The following CSMD1 variants were observed in gnomAD, a reference collection of about 807,000 sequenced individuals.
The protein encoded by CSMD1 is CUB and Sushi multiple domains 1.
A neutral mutation model predicts 417.5 loss-of-function variants in CSMD1; 213 were observed. The ratio of observed to expected loss-of-function variants is 0.51; its 90% CI spans 0.46 to 0.57. The LOEUF (loss-of-function observed/expected upper bound fraction) is 0.57. Ranked by LOEUF, CSMD1 falls within the 20% of genes least tolerant of loss-of-function variation. CSMD1 has a pLI of 0.00. For missense variants in CSMD1, 6,923 were observed against 4,529.7 expected (o/e 1.53, Z -15.17); for synonymous variants, 2,862 against 1,736.8 (o/e 1.65, Z -16.11).
chr8:4,655,846 TACTG>T (rs2130907423), intron 1 of CSMD1, among the ~76,000 whole-genome samples: 1 of 152,258 alleles, frequency 6.6e-6, no homozygotes, highest in South Asian at 2.1e-4. Context: ...CTAATTCACT[TACTG>T]AGAAAGAAAA....
chr8:3,869,699 A>T (rs1158867728), intron 5 of CSMD1, among the ~76,000 whole-genome samples: 2 of 152,112 alleles, frequency 1.3e-5, no homozygotes, highest in African/African-American at 2.4e-5. Flanking sequence ...CGCAGCCAGG[A>T]GCATGTGGGG....
chr8:4,583,072 G>T (rs189716755), intron 2 of CSMD1, among the ~76,000 whole-genome samples: 1 of 152,212 alleles, frequency 6.6e-6, no homozygotes, highest in Non-Finnish European at 1.5e-5. Flanking sequence ...CCGCGGGGCA[G>T]GGCTCAGGAC....
intron 26 of CSMD1, among the ~76,000 whole-genome samples, chr8:3,261,554 C>A (rs1172861516): frequency 1.3e-5 from 2 of 152,236 alleles, no homozygotes; most frequent in East Asian, 3.9e-4. Context: ...CGTGAATGTT[C>A]ATCACAGCTG....
chr8:3,613,771 C>T (rs1242827632), intron 8 of CSMD1, among the ~76,000 whole-genome samples: 1 of 151,076 alleles, frequency 6.6e-6, no homozygotes, highest in Admixed American at 6.6e-5. Flanking sequence ...GATACTTCCT[C>T]AAACTGATAA....
At chr8:4,742,774 A>G (rs1810707365) in intron 1 of CSMD1, among the ~76,000 whole-genome samples, 2 of 152,220 alleles carry the variant, frequency 1.3e-5, no homozygotes, top group Non-Finnish European at 2.9e-5. Flanking sequence ...ATGCCATGTC[A>G]GAAATGCTAA....
chr8:3,123,965 T>C (rs988964879), intron 41 of CSMD1, among the ~76,000 whole-genome samples: 25 of 152,206 alleles, frequency 1.6e-4, no homozygotes, highest in African/African-American at 3.6e-4. Context: ...TGTTGAAGGC[T>C]CTAGCGCCCT....
chr8:2,945,449 A>C (rs1336359369), intron 68 of CSMD1, among the ~76,000 whole-genome samples: 1 of 152,194 alleles, frequency 6.6e-6, no homozygotes, highest in Non-Finnish European at 1.5e-5. Context: ...GGGTGTTTCT[A>C]ATACTTCTAT....
At chr8:4,918,533 G>GAA (rs373188729) in intron 1 of CSMD1, among the ~76,000 whole-genome samples, 60 of 150,106 alleles carry the variant, frequency 4.0e-4, no homozygotes, top group African/African-American at 1.4e-3. Context: ...ATATAAATGT[G>GAA]AAAAAAAAAG....
chr8:4,446,887 C>T (rs188976775), intron 2 of CSMD1, among the ~76,000 whole-genome samples: 57 of 150,622 alleles, frequency 3.8e-4, no homozygotes, highest in African/African-American at 1.3e-3. Flanking sequence ...TCCCAATGTT[C>T]TGGGATTACA....
intron 5 of CSMD1, among the ~76,000 whole-genome samples, chr8:3,834,606 G>C (rs927108098): frequency 6.6e-6 from 1 of 152,154 alleles, no homozygotes; most frequent in Non-Finnish European, 1.5e-5. Flanking sequence ...AAATGTGAAG[G>C]TAATACGTTT....
At chr8:3,311,095 T>A (rs1805308437) in intron 23 of CSMD1, among the ~76,000 whole-genome samples, 1 of 151,986 alleles carries the variant, frequency 6.6e-6, no homozygotes, top group Non-Finnish European at 1.5e-5. Flanking sequence ...GTAATATACC[T>A]AACTAACTTT....
chr8:3,297,530 T>C (rs1267890220), intron 25 of CSMD1, among the ~76,000 whole-genome samples: 1 of 152,220 alleles, frequency 6.6e-6, no homozygotes, highest in Non-Finnish European at 1.5e-5. Flanking sequence ...AGTTGTCTCG[T>C]TAATTACTAA....
chr8:3,679,263 C>T (rs1799532057), intron 7 of CSMD1, among the ~76,000 whole-genome samples: 1 of 152,108 alleles, frequency 6.6e-6, no homozygotes, highest in Admixed American at 6.6e-5. Context: ...AGTCAAGACC[C>T]ATCAGTGTGT....
chr8:3,779,599 G>C (rs1339980291), intron 5 of CSMD1, among the ~76,000 whole-genome samples: 1 of 152,078 alleles, frequency 6.6e-6, no homozygotes, highest in Non-Finnish European at 1.5e-5. Context: ...CTGAATAACC[G>C]GGTATTTTAA....
chr8:3,603,349 C>T (rs534384174), intron 8 of CSMD1, among the ~76,000 whole-genome samples: 1 of 152,070 alleles, frequency 6.6e-6, no homozygotes, highest in Non-Finnish European at 1.5e-5. Flanking sequence ...TGTGAAAACA[C>T]TTTGGACAAT....
intron 3 of CSMD1, among the ~76,000 whole-genome samples, chr8:4,187,530 G>C (rs1798754596): frequency 6.6e-6 from 1 of 152,100 alleles, no homozygotes; most frequent in Non-Finnish European, 1.5e-5. Flanking sequence ...TGTAATCCCA[G>C]CTACTTGGGA....
chr8:3,405,575 T>C (rs534798954), intron 15 of CSMD1, among the ~76,000 whole-genome samples: 1 of 151,590 alleles, frequency 6.6e-6, no homozygotes, highest in East Asian at 2.0e-4. Context: ...ATTGGGTACT[T>C]GCAGATGAAT....
chr8:3,253,077 A>T (rs1800394053), intron 26 of CSMD1, among the ~76,000 whole-genome samples: 1 of 151,672 alleles, frequency 6.6e-6, no homozygotes, highest in African/African-American at 2.4e-5. Flanking sequence ...CTAGCTTTTG[A>T]GTATGTTTGC....
chr8:4,350,513 C>G (rs1322131611), intron 3 of CSMD1, among the ~76,000 whole-genome samples: 8 of 152,190 alleles, frequency 5.3e-5, no homozygotes, highest in Non-Finnish European at 1.2e-4. Flanking sequence ...CAGCAGTGAG[C>G]TCTCAGCCTG....
Sources: allele counts gnomAD v4.1 joint callset (sites outside exome capture counted in the v4.1 genomes callset), GRCh38; gene constraint gnomAD v4.1.1; transcripts MANE v1.5; gene names NCBI Gene and HGNC (gene_info 2026-07-23, HGNC 2026-07-21).